SLC6A11: variants seen among roughly 807,000 people sequenced by gnomAD.
SLC6A11 encodes sodium- and chloride-dependent GABA transporter 3.
In SLC6A11, 25 loss-of-function variants were observed where a neutral mutation model predicts 74.8. The ratio of observed to expected loss-of-function variants is 0.33; its 90% CI spans 0.24 to 0.47. The LOEUF is 0.47. Ranked by LOEUF, SLC6A11 falls within the 20% of genes least tolerant of loss-of-function variation. The pLI, the probability that SLC6A11 is intolerant of heterozygous loss-of-function variation, is 1.00. For missense variants in SLC6A11, 574 were observed against 837.0 expected (o/e 0.69, Z 3.88); for synonymous variants, 330 against 330.2 (o/e 1.00, Z 0.01).
In SLC6A11 at chr3:10,935,267, C is replaced by T. The variant is rs1695746438; in HGVS notation, c.1746+68C>T. ...GCGCCTTGGGTCCCAGTTTCCTCAT[C>T]TGCATGGTGCGCGATGACGGCCTGC... On this transcript the variant is annotated intron_variant, in intron 13 of 13. Transcript: ENST00000254488. 4 of 1,448,162 alleles carry T rather than the reference C, an allele frequency of 2.8e-6. No homozygotes were observed. The South Asian group carries it at 4.7e-5, about 17-fold the overall frequency. The allele number at this position is 1,448,162 out of a possible 1,614,324, so 89.7% of individuals were successfully genotyped here.
chr3:10,819,427 A>G (rs1559550705), intron 1 of SLC6A11, 38 bp from the exon 2 acceptor site: 6 of 1,586,306 alleles, frequency 3.8e-6, no homozygotes, highest in Non-Finnish European at 4.3e-6. Flanking sequence ...ATGAATCGGC[A>G]GGGACAGTTT....
intron 6 of SLC6A11, among the ~76,000 whole-genome samples, chr3:10,887,045 A>G (rs2106612968): frequency 6.6e-6 from 1 of 152,344 alleles, no homozygotes; most frequent in Middle Eastern, 3.4e-3. Context: ...GCTCCCAGTC[A>G]GCACTGGATG....
intron 7 of SLC6A11, among the ~76,000 whole-genome samples, chr3:10,917,066 G>A (rs1695466168): frequency 6.6e-6 from 1 of 152,192 alleles, no homozygotes; most frequent in African/African-American, 2.4e-5. Context: ...ATTGAGGAGG[G>A]ACTGGATAAG....
chr3:10,816,316 G>A lies in SLC6A11; in HGVS notation c.51G>A (p.Glu17=). The A allele has an allele frequency of 7.1e-7, 1 of 1,409,964 alleles. No individual in the cohort carries two copies. The highest frequency in any genetic ancestry group is 1.6e-5 in the South Asian group (1 of 62,574). 87.3% of individuals were successfully genotyped at this position (1,409,964 alleles called of 1,614,324 possible). A position where few individuals can be genotyped will look rare whatever the true frequency, so the allele number is the denominator to read the frequency against. ...TGGGCAATGGGAAGGCTGCTGAGGAGGCGCGGGAGTCCGAGGCGCCGGGTG... is the reference window on the plus strand; with the variant it reads ...TGGGCAATGGGAAGGCTGCTGAGGAAGCGCGGGAGTCCGAGGCGCCGGGTG... ...LPLGNGKAAE[E]ARESEAPGGG... is the part of the protein sequence containing the mutation. The change falls in exon 1 of 14, where the codon GAG becomes GAA. Residue 17 remains glutamate (E), a synonymous_variant. Coordinates refer to ENST00000254488, the MANE Select transcript of SLC6A11 (RefSeq NM_014229.3). The surrounding 1 kb of genome is among the most constrained non-coding windows in gnomAD (Gnocchi z 4.2).
intron 5 of SLC6A11, among the ~76,000 whole-genome samples, chr3:10,874,629 C>A (rs1409946411): frequency 6.6e-6 from 1 of 152,148 alleles, no homozygotes; most frequent in Non-Finnish European, 1.5e-5. Context: ...AGAGCTGATA[C>A]ATCTCACTAC....
chr3:10,891,796 GT>G (rs1189957709), intron 6 of SLC6A11, among the ~76,000 whole-genome samples: 8 of 152,196 alleles, frequency 5.3e-5, no homozygotes, highest in Admixed American at 5.2e-4. Flanking sequence ...AAATGAAGAG[GT>G]TAGACCAGAC....
intron 6 of SLC6A11, among the ~76,000 whole-genome samples, chr3:10,909,190 A>C (rs1234241171): frequency 1.3e-5 from 2 of 152,124 alleles, no homozygotes; most frequent in African/African-American, 4.8e-5. Context: ...GTAGCCAAGA[A>C]AAATCCTTGG....
chr3:10,853,535 T>C (rs1027759954), intron 5 of SLC6A11, among the ~76,000 whole-genome samples: 4 of 152,052 alleles, frequency 2.6e-5, no homozygotes, highest in Admixed American at 6.6e-5. Flanking sequence ...GTAGGAGATA[T>C]AGAGGAAGAG....
intron 1 of SLC6A11, among the ~76,000 whole-genome samples, chr3:10,818,807 G>A (rs989642434): frequency 6.6e-6 from 1 of 152,202 alleles, no homozygotes; most frequent in Non-Finnish European, 1.5e-5. Flanking sequence ...AATGGGTATT[G>A]TGTTTCAAGA....
intron 3 of SLC6A11, among the ~76,000 whole-genome samples, chr3:10,820,579 C>T (rs1694125765): frequency 6.6e-6 from 1 of 152,192 alleles, no homozygotes; most frequent in Non-Finnish European, 1.5e-5. Context: ...CAACCCCACT[C>T]CTGCTGGAAT....
At chr3:10,904,865 A>G (rs1695283120) in intron 6 of SLC6A11, among the ~76,000 whole-genome samples, 1 of 152,166 alleles carries the variant, frequency 6.6e-6, no homozygotes, top group Non-Finnish European at 1.5e-5. Context: ...TCAGGAGCCT[A>G]TTTCCACTTC....
At chr3:10,861,379 T>C (rs1694701339) in intron 5 of SLC6A11, among the ~76,000 whole-genome samples, 1 of 151,914 alleles carries the variant, frequency 6.6e-6, no homozygotes, top group Non-Finnish European at 1.5e-5. Flanking sequence ...TAGCTGGGCA[T>C]GGTGGTGGAC....
At chr3:10,825,413 C>T (rs1278863081) in intron 4 of SLC6A11, 2 of 152,106 alleles carry the variant, frequency 1.3e-5, no homozygotes, top group African/African-American at 4.8e-5. Flanking sequence ...TACCTGTGAA[C>T]TTCAGGTTTA....
Position 10,934,074 on chromosome 3 carries a change from C to A in SLC6A11, c.1483C>A (p.Arg495=), listed in dbSNP as rs755625021. Residue 495 remains arginine (R), a synonymous_variant, in exon 12 of 14, where the codon CGG becomes AGG. Transcript: ENST00000254488. ...ICIGWVYGSN[R]FYDNIEDMIG... ...TGATTTATTCCGGACAGGAAGCAACCGGTTCTATGATAACATTGAAGACAT... is the reference window on the plus strand; with the variant it reads ...TGATTTATTCCGGACAGGAAGCAACAGGTTCTATGATAACATTGAAGACAT... The A allele has an allele frequency of 1.9e-6, 3 of 1,612,312 alleles. No homozygotes were observed. The highest frequency in any genetic ancestry group is 2.2e-5 in the South Asian group (2 of 91,018).
rs1360210295 is a variant in SLC6A11 at position 10,901,396 on chromosome 3, C to T, written c.892-10694C>T. Among the ~76,000 whole-genome samples the T allele has an allele frequency of 2.0e-5, 3 of 152,252 alleles. 1 individual carries two copies. Among genetic ancestry groups the T allele is most frequent in the South Asian group, 4.1e-4 (2 of 4,836 alleles). On this transcript the variant is annotated intron_variant, in intron 6 of 13. Transcript: ENST00000254488. ...AAGGGGCCACCGGGGTCGGCCTACA[C>T]ACCCAAACTCCCCCTGCACAGGATT... is the stretch of plus-strand genomic sequence containing the variant.
At position 10,935,278 on chromosome 3, in the gene SLC6A11, G is replaced by T. The variant is rs1049480851; in HGVS notation, c.1746+79G>T. 8.3e-6 allele frequency: 11 copies of T among 1,330,710 alleles called. No homozygotes were observed. In the South Asian group the frequency reaches 1.1e-4, roughly 14 times the overall value. 82.4% of individuals were successfully genotyped at this position (1,330,710 alleles called of 1,614,324 possible). A position where few individuals can be genotyped will look rare whatever the true frequency, so the allele number is the denominator to read the frequency against. ...CCCAGTTTCCTCATCTGCATGGTGCGCGATGACGGCCTGCGCCCACCTGCC... is the reference window on the plus strand; with the variant it reads ...CCCAGTTTCCTCATCTGCATGGTGCTCGATGACGGCCTGCGCCCACCTGCC... On this transcript the variant is annotated intron_variant, in intron 13 of 13. Transcript: ENST00000254488.
chr3:10,880,979 A>T (rs1409403491), intron 6 of SLC6A11, among the ~76,000 whole-genome samples: 2 of 152,246 alleles, frequency 1.3e-5, no homozygotes, highest in East Asian at 3.9e-4. Flanking sequence ...CTAGAAGAAG[A>T]AGGAAGTGTG....
At chr3:10,922,662 T>G (rs1695552088) in intron 8 of SLC6A11, among the ~76,000 whole-genome samples, 1 of 152,174 alleles carries the variant, frequency 6.6e-6, no homozygotes, top group African/African-American at 2.4e-5. Flanking sequence ...ATCATTTTTT[T>G]TATTAGCTCT....
At chr3:10,907,071 G>A (rs1018320429) in intron 6 of SLC6A11, among the ~76,000 whole-genome samples, 6 of 152,108 alleles carry the variant, frequency 3.9e-5, no homozygotes, top group Non-Finnish European at 7.3e-5. Context: ...ATTGCACAAA[G>A]ACAGAACCAC....
Sources: allele counts gnomAD v4.1 joint callset (sites outside exome capture counted in the v4.1 genomes callset), GRCh38; gene constraint gnomAD v4.1.1; non-coding constraint Gnocchi (gnomAD v3.1); transcripts MANE v1.5; gene names NCBI Gene and HGNC (gene_info 2026-07-23, HGNC 2026-07-21).